KMT5B: variants seen among roughly 807,000 people sequenced by gnomAD.
KMT5B encodes the protein histone-lysine N-methyltransferase KMT5B.
A neutral mutation model predicts 83.2 loss-of-function variants in KMT5B; 10 were observed. The ratio of observed to expected loss-of-function variants is 0.12; its 90% CI spans 0.07 to 0.20. KMT5B has a LOEUF of 0.20. Among genes scored for constraint, KMT5B ranks in the 10% least tolerant of loss-of-function variants. The pLI is 1.00. For synonymous variants in KMT5B, 349 were observed against 388.8 expected (o/e 0.90, Z 1.20); for missense variants, 753 against 1,067.2 (o/e 0.71, Z 4.10).
rs778199873 is a variant in KMT5B at position 68,167,164 on chromosome 11, G to A, written c.992C>T (p.Ala331Val). The A allele has an allele frequency of 6.2e-7, 1 of 1,611,314 alleles. No individual in the cohort carries two copies. The highest frequency in any genetic ancestry group is 8.5e-7 in the Non-Finnish European group (1 of 1,178,542). Residue 331 changes from alanine to valine, a missense_variant, in exon 10 of 11, where the codon GCT becomes GTT. Physicochemically the swap from Ala to Val is moderately conservative, Grantham distance 64 (BLOSUM62 0). Around this residue, in one of 9 missense-constraint regions of KMT5B, gnomAD observed 34 missense variants for 172.5 expected, o/e 0.20. Coordinates refer to ENST00000304363, the MANE Select transcript of KMT5B (RefSeq NM_017635.5). ...AGGCAGTCCCACTCTGGATTTAAAA[G>A]CACCAGTGCCCCGTCTGAAAGAGAA... ...CYTCERRGTG[A>V]FKSRVGLPAP...
intron 2 of KMT5B, chr11:68,189,554 G>A (rs1050020868): frequency 1.9e-5 from 3 of 158,772 alleles, no homozygotes; most frequent in African/African-American, 7.2e-5. Context: ...GTGGAAATTA[G>A]CAAAGAAGTA....
Position 68,158,330 on chromosome 11 carries a change from G to A in KMT5B, c.2016C>T (p.Pro672=), listed in dbSNP as rs200400289. ...PVSYTDCAPS[P]VGCSVVTSDS... is the part of the protein sequence containing the mutation. ...CTGATGTCACAACTGAACAACCGAC[G>A]GGTGAAGGAGCACAGTCTGTGTAGC... Residue 672 remains proline (P), a synonymous_variant, in exon 11 of 11, where the codon CCC becomes CCT. Transcript: ENST00000304363. The A allele has an allele frequency of 5.6e-6, 9 of 1,613,990 alleles. No individual in the cohort carries two copies. In the East Asian group the frequency reaches 6.7e-5, roughly 12 times the overall value.
rs1272914524 is a variant in KMT5B at position 68,158,823 on chromosome 11, C to A, written c.1523G>T (p.Cys508Phe). The change falls in exon 11 of 11, where the codon TGC becomes TTC. Residue 508 changes from cysteine to phenylalanine, a missense_variant. By Grantham distance (205) the Cys-to-Phe change is radical. Around this residue, in one of 9 missense-constraint regions of KMT5B, gnomAD observed 397 missense variants for 395.9 expected, o/e 1.00. Coordinates refer to ENST00000304363, the MANE Select transcript of KMT5B (RefSeq NM_017635.5). ...TTCTCTCGCCGCGTGTCTAGTCAAG[C>A]ACCCGCTGGCAACTGCGGCTTGGGC... ...GPAQAAVASG[C>F]LTRHAAREHR... The A allele has an allele frequency of 6.2e-7, 1 of 1,614,180 alleles. No individual in the cohort carries two copies. The highest frequency in any genetic ancestry group is 1.7e-5 in the Admixed American group (1 of 60,030).
At chr11:68,211,723 G>C (rs1320725314) in intron 1 of KMT5B, among the ~76,000 whole-genome samples, 1 of 152,204 alleles carries the variant, frequency 6.6e-6, no homozygotes, top group Non-Finnish European at 1.5e-5. Flanking sequence ...AGAGTGTACG[G>C]GGTGGAGAAA....
At chr11:68,183,493 G>T (rs1163348214) in intron 3 of KMT5B, among the ~76,000 whole-genome samples, 1 of 151,994 alleles carries the variant, frequency 6.6e-6, no homozygotes, top group African/African-American at 2.4e-5. Context: ...GAGTAGCTGG[G>T]ACTACAGGCG....
At position 68,157,786 on chromosome 11, in the gene KMT5B, G is replaced by C. The variant is rs1859403842; in HGVS notation, c.2560C>G (p.Pro854Ala). ...DFEDDFIPLP[P>A]AKRLRLIVGK... ...ACTATTAACCTCAAGCGCTTAGCTG[G>C]AGGAAGAGGAATAAAATCGTCTTCA... Residue 854 changes from proline (P) to alanine (A), a missense_variant, in exon 11 of 11, where the codon CCA becomes GCA. Physicochemically the swap from Pro to Ala is conservative, Grantham distance 27. Transcript: ENST00000304363. The C allele has an allele frequency of 5.6e-6, 9 of 1,614,132 alleles. No homozygotes were observed. The highest frequency in any genetic ancestry group is 5.9e-6 in the Non-Finnish European group (7 of 1,180,012).
In KMT5B at chr11:68,185,924, A is replaced by G. The variant is rs751426672; in HGVS notation, c.165T>C (p.Asn55=). The change falls in exon 3 of 11, where the codon AAT becomes AAC. Residue 55 remains asparagine, a synonymous_variant. Coordinates refer to ENST00000304363, the MANE Select transcript of KMT5B (RefSeq NM_017635.5). The part of the protein sequence containing the change: ...NAVERRSNRC[N]GNSGFEGQSR... ...TCTGTCCTTCAAATCCCGAGTTACC[A>G]TTACCTGTGAAAAGCAAAAGCAAGA... 3.4e-5 allele frequency: 54 copies of G among 1,579,750 alleles called. No individual in the cohort carries two copies. Among genetic ancestry groups the G allele is most frequent in the Non-Finnish European group, 4.0e-5 (46 of 1,162,536 alleles).
chr11:68,196,642 G>C (rs1357850120), intron 1 of KMT5B, among the ~76,000 whole-genome samples: 1 of 151,602 alleles, frequency 6.6e-6, no homozygotes, highest in South Asian at 2.1e-4. Flanking sequence ...AAGGGGGTGA[G>C]AGAAGCTCCT....
rs776216673 is a variant in KMT5B, at chr11:68,158,923, A to G, written c.1423T>C (p.Leu475=). Residue 475 remains leucine, a synonymous_variant, in exon 11 of 11, where the codon TTA becomes CTA. Transcript: ENST00000304363. ...ACTACTTTAGGCTCTTTCAGTACTA[A>G]GTTTCCCATTTCGAGTTTTCTTGAA... ...NASRKLEMGN[L]VLKEPKVVLY... 3 of 1,613,818 alleles carry G rather than the reference A, an allele frequency of 1.9e-6. No homozygotes were observed. The highest frequency in any genetic ancestry group is 1.7e-6 in the Non-Finnish European group (2 of 1,179,982).
intron 4 of KMT5B, chr11:68,179,617 C>A: frequency 1.6e-6 from 2 of 1,269,664 alleles, no homozygotes; most frequent in South Asian, 1.3e-5. Flanking sequence ...CAAGAGCTGA[C>A]TGGAGGGGTG....
chr11:68,174,999 T>TCAGTC lies in KMT5B; in HGVS notation c.543+14_543+18dup. 6.2e-7 allele frequency: 1 copy of TCAGTC among 1,604,694 alleles called. No homozygotes were observed. The highest frequency in any genetic ancestry group is 1.1e-5 in the South Asian group (1 of 90,506). ...TTCTTATCCAAATAGGTTAACAGCA[T>TCAGTC]CAGTCTTAATAAACTTACATGTTCT... On this transcript the variant is annotated intron_variant, in intron 5 of 10. Coordinates refer to ENST00000304363, the MANE Select transcript of KMT5B (RefSeq NM_017635.5).
At chr11:68,203,378 T>A (rs558016926) in intron 1 of KMT5B, among the ~76,000 whole-genome samples, 16 of 152,350 alleles carry the variant, frequency 1.1e-4, no homozygotes, top group African/African-American at 3.8e-4. Flanking sequence ...ATAAGCAGAA[T>A]CGGTTTTTAG....
In KMT5B at chr11:68,166,208, A is replaced by C. The variant is rs942805618; in HGVS notation, c.1174+774T>G. 8 of 1,299,652 alleles carry C rather than the reference A, an allele frequency of 6.2e-6. No homozygotes were observed. The African/African-American group carries it at 1.2e-4, about 20-fold the overall frequency. The allele number at this position is 1,299,652 out of a possible 1,614,324, so 80.5% of individuals were successfully genotyped here. On this transcript the variant is annotated intron_variant, in intron 10 of 10. Transcript: ENST00000304363. Reference sequence around the variant, plus strand: ...TGGTGTTACCCAGAAAAACAGGAGCAATTAGAAATGGTTCCAATATTTCAA... The same window carrying C: ...TGGTGTTACCCAGAAAAACAGGAGCCATTAGAAATGGTTCCAATATTTCAA...
Position 68,185,891 on chromosome 11 carries a change from A to G in KMT5B, c.198T>C (p.Tyr66=), listed in dbSNP as rs145958513. The G allele has an allele frequency of 2.6e-4, 424 of 1,611,766 alleles. No homozygotes were observed. The highest frequency in any genetic ancestry group is 3.4e-4 in the Non-Finnish European group (405 of 1,179,120). ...GNSGFEGQSR[Y]VPSSGMSAKE... is the part of the protein sequence containing the mutation. Reference sequence around the variant, plus strand: ...TGGCGGACATTCCAGAGGATGGTACATAGCGACTCTGTCCTTCAAATCCCG... The same window carrying G: ...TGGCGGACATTCCAGAGGATGGTACGTAGCGACTCTGTCCTTCAAATCCCG... The change falls in exon 3 of 11, where the codon TAT becomes TAC. Residue 66 remains tyrosine, a synonymous_variant. Coordinates refer to ENST00000304363, the MANE Select transcript of KMT5B (RefSeq NM_017635.5).
chr11:68,200,573 C>G lies in KMT5B; in HGVS notation c.-76-10421G>C, dbSNP rs145482028. Among the ~76,000 whole-genome samples the G allele has an allele frequency of 2.5e-4, 38 of 152,268 alleles. 1 individual carries two copies. Among genetic ancestry groups the G allele is most frequent in the African/African-American group, 8.4e-4 (35 of 41,532 alleles). On this transcript the variant is annotated intron_variant, in intron 1 of 10. Transcript: ENST00000304363. ...CAGGAACGAGAGAGAGAGAGACTGA[C>G]TCGCAGGCCAGAAAAGACAAATGTA...
rs753741394 is a variant in KMT5B, at chr11:68,158,658, C to T, written c.1688G>A (p.Gly563Asp). Residue 563 changes from glycine to aspartate, a missense_variant, in exon 11 of 11, where the codon GGC becomes GAC. Transcript: ENST00000304363. Reference protein sequence around the residue: ...DIKLEPNTLNGYKSSVTEPCP... With the variant: ...DIKLEPNTLNDYKSSVTEPCP... ...AGGTTCCGTCACACTGCTTTTATAG[C>T]CATTCAACGTATTTGGTTCAAGCTT... 1.2e-6 allele frequency: 2 copies of T among 1,613,970 alleles called. No homozygotes were observed. The highest frequency in any genetic ancestry group is 8.5e-7 in the Non-Finnish European group (1 of 1,180,020).
Position 68,159,188 on chromosome 11 carries a change from A to T in KMT5B, c.1175-17T>A. On this transcript the variant is annotated splice_polypyrimidine_tract_variant and intron_variant, in intron 10 of 10. Transcript: ENST00000304363. Reference sequence around the variant, plus strand: ...GGTTAGAAGCTGTAAGGTTAAAGAGAAAAAGGTGAAAAGCCTTGGTAACAG... The same window carrying T: ...GGTTAGAAGCTGTAAGGTTAAAGAGTAAAAGGTGAAAAGCCTTGGTAACAG... The T allele has an allele frequency of 6.5e-7, 1 of 1,534,570 alleles. No homozygotes were observed. The highest frequency in any genetic ancestry group is 8.7e-7 in the Non-Finnish European group (1 of 1,152,148).
At chr11:68,190,476 G>C (rs888978985) in intron 1 of KMT5B, among the ~76,000 whole-genome samples, 6 of 152,044 alleles carry the variant, frequency 3.9e-5, no homozygotes, top group Non-Finnish European at 8.8e-5. Context: ...AGATATTCCA[G>C]AGGAAGGCAC....
At position 68,158,750 on chromosome 11, in the gene KMT5B, C is replaced by A. The variant is rs772693534; in HGVS notation, c.1596G>T (p.Ser532=). 1 of 1,613,998 alleles carries A rather than the reference C, an allele frequency of 6.2e-7. No individual in the cohort carries two copies. The highest frequency in any genetic ancestry group is 8.5e-7 in the Non-Finnish European group (1 of 1,180,034). ...VRGAHSQGES[S]PCTYITRRSV... is the part of the protein sequence containing the mutation. ...ACCGCCGAGTTATGTAGGTGCAGGG[C>A]GAGCTCTCCCCCTGCGAATGAGCAC... Residue 532 remains serine, a synonymous_variant, in exon 11 of 11, where the codon TCG becomes TCT. Transcript: ENST00000304363.
Sources: allele counts gnomAD v4.1 joint callset (sites outside exome capture counted in the v4.1 genomes callset), GRCh38; gene constraint gnomAD v4.1.1; regional missense constraint gnomAD v4.1.1; transcripts MANE v1.5; gene names NCBI Gene and HGNC (gene_info 2026-07-23, HGNC 2026-07-21).